Variants in ACTR1A observed in about 807,000 individuals in gnomAD.
ACTR1A encodes the protein alpha-centractin.
Under a neutral mutation model 50.7 loss-of-function variants are expected in ACTR1A, and 10 were observed. The ratio of observed to expected loss-of-function variants is 0.20; its 90% CI spans 0.12 to 0.33. ACTR1A has a LOEUF of 0.33. Ranked by LOEUF, ACTR1A falls within the 10% of genes least tolerant of loss-of-function variation. The pLI, the probability that ACTR1A is intolerant of heterozygous loss-of-function variation, is 1.00. For missense variants in ACTR1A, 253 were observed against 491.7 expected (o/e 0.51, Z 4.59); for synonymous variants, 177 against 184.2 (o/e 0.96, Z 0.32).
At chr10:102,490,398 A>G (rs940123352) in intron 2 of ACTR1A, 151 bp downstream of exon 2, 4 of 455,032 alleles carry the variant, frequency 8.8e-6, no homozygotes, top group Non-Finnish European at 1.5e-5. Flanking sequence ...GGATTTTTAA[A>G]AAGAGGCCTC....
At chr10:102,489,541 C>T (rs561983945) in intron 2 of ACTR1A, among the ~76,000 whole-genome samples, 2 of 152,286 alleles carry the variant, frequency 1.3e-5, no homozygotes, top group African/African-American at 2.4e-5. Context: ...GGGCTGGGCT[C>T]GATGGCTCAC....
At chr10:102,487,693 G>A (rs1014922576) in intron 4 of ACTR1A, among the ~76,000 whole-genome samples, 3 of 146,742 alleles carry the variant, frequency 2.0e-5, no homozygotes, top group Non-Finnish European at 4.5e-5. Context: ...GCACAGTGGC[G>A]CAATCTCGGC....
At chr10:102,486,937 CCACTGT>C (rs1161422630) in intron 4 of ACTR1A, among the ~76,000 whole-genome samples, 5 of 147,720 alleles carry the variant, frequency 3.4e-5, no homozygotes. Context: ...CAGGCACGCA[CCACTGT>C]ACCCGGCTAT....
intron 1 of ACTR1A, among the ~76,000 whole-genome samples, chr10:102,491,617 C>T (rs1209424690): frequency 6.6e-6 from 1 of 152,298 alleles, no homozygotes; most frequent in East Asian, 1.9e-4. Context: ...CTTGGTATGT[C>T]GAGTGAGGTG....
At position 102,482,841 on chromosome 10, in the gene ACTR1A, G is replaced by A; in HGVS notation, c.750+170C>T. On this transcript the variant is annotated intron_variant, in intron 7 of 10. Transcript: ENST00000369905. This position sits in a 1 kb window ranked among gnomAD's most constrained non-coding sequence, Gnocchi z 5.6. ...TAAGAAAGTTTACGACTTTGTGTTG[G>A]GCCTTACTGAAAGCCATCCTGGGCC... 1.6e-6 allele frequency: 1 copy of A among 637,890 alleles called. No homozygotes were observed. Among genetic ancestry groups the A allele is most frequent in the Non-Finnish European group, 2.8e-6 (1 of 357,256 alleles). The allele number at this position is 637,890 out of a possible 1,614,324, so 39.5% of individuals were successfully genotyped here. A position where few individuals can be genotyped will look rare whatever the true frequency, so the allele number is the denominator to read the frequency against.
chr10:102,483,185 T>C lies in ACTR1A; in HGVS notation c.658-82A>G. The C allele has an allele frequency of 6.7e-6, 7 of 1,038,896 alleles. 1 individual carries two copies. The highest frequency in any genetic ancestry group is 1.7e-5 in the Admixed American group (1 of 59,062). 64.4% of individuals were successfully genotyped at this position (1,038,896 alleles called of 1,614,324 possible). ...AAGGCCCAGGGGAGGAATGTGCTGC[T>C]GCACAAACCTGTCTAAACGTTGTGA... On this transcript the variant is annotated intron_variant, in intron 6 of 10. Coordinates refer to ENST00000369905, the MANE Select transcript of ACTR1A (RefSeq NM_005736.4).
chr10:102,481,235 T>G, intron 9 of ACTR1A, 63 bp from the exon 10 acceptor site: 1 of 1,491,430 alleles, frequency 6.7e-7, no homozygotes, highest in South Asian at 1.3e-5. Flanking sequence ...TTCCCTACAA[T>G]GCTCCTCTTT....
chr10:102,499,380 C>T (rs1326345430), intron 1 of ACTR1A, among the ~76,000 whole-genome samples: 1 of 152,158 alleles, frequency 6.6e-6, no homozygotes, highest in Non-Finnish European at 1.5e-5. Context: ...TCAGCAAATA[C>T]TAATAGGAAA....
At chr10:102,494,866 G>A (rs6584507) in intron 1 of ACTR1A, among the ~76,000 whole-genome samples, 53,480 of 151,848 alleles carry the variant, frequency 0.35, 9,578 homozygotes, top group African/African-American at 0.39. Flanking sequence ...CCTAGAGTGC[G>A]GTGGCACAAT....
chr10:102,490,373 G>A (rs909944660), intron 2 of ACTR1A, among the ~76,000 whole-genome samples, 176 bp downstream of exon 2: 1 of 151,350 alleles, frequency 6.6e-6, no homozygotes, highest in African/African-American at 2.4e-5. Flanking sequence ...AAATTTTTTA[G>A]CATCAGATAA....
intron 1 of ACTR1A, among the ~76,000 whole-genome samples, chr10:102,497,280 A>T (rs76798518): frequency 0.043 from 6,590 of 152,012 alleles, 455 homozygotes; most frequent in African/African-American, 0.15. Context: ...GAACGTATGG[A>T]TGTTCCTTAC....
intron 6 of ACTR1A, 102 bp downstream of exon 6, chr10:102,484,058 C>T: frequency 1.8e-6 from 2 of 1,141,912 alleles, no homozygotes; most frequent in East Asian, 2.4e-5. Flanking sequence ...CCAGGGACCC[C>T]CAGGCAGGTG....
intron 5 of ACTR1A, 33 bp downstream of exon 5, chr10:102,485,576 C>T: frequency 6.2e-7 from 1 of 1,611,274 alleles, no homozygotes; most frequent in Non-Finnish European, 8.5e-7. Flanking sequence ...ACTGCTTTCC[C>T]CGCAGGGGCC....
At chr10:102,494,705 C>T (rs574603236) in intron 1 of ACTR1A, among the ~76,000 whole-genome samples, 8 of 152,294 alleles carry the variant, frequency 5.3e-5, no homozygotes, top group South Asian at 4.1e-4. Flanking sequence ...CCTGTCACCC[C>T]ATCACTTTGG....
At chr10:102,490,497 C>T in intron 2 of ACTR1A, 52 bp downstream of exon 2, 1 of 1,478,750 alleles carries the variant, frequency 6.8e-7, no homozygotes, top group Non-Finnish European at 9.5e-7. Context: ...AGGGCTGGGC[C>T]TGTAACAAAG....
At chr10:102,481,745 A>T in intron 9 of ACTR1A, 92 bp downstream of exon 9, 1 of 1,464,810 alleles carries the variant, frequency 6.8e-7, no homozygotes, top group Non-Finnish European at 9.5e-7. Context: ...CTGCTTGAAG[A>T]GCTTGGGCAA....
intron 4 of ACTR1A, among the ~76,000 whole-genome samples, chr10:102,487,122 T>C (rs2062172928): frequency 6.6e-6 from 1 of 151,912 alleles, no homozygotes; most frequent in South Asian, 2.1e-4. Context: ...TCCTTACAAG[T>C]TAATAAGCAC....
chr10:102,485,709 G>T lies in ACTR1A; in HGVS notation c.340C>A (p.Pro114Thr). ...TCCCGGTTTTTTCGTGGGTTTAAAG[G>T]CGCCTCAGTCAGGAGCACAGGATGC... ...EEHPVLLTEA[P>T]LNPRKNRERA... The change falls in exon 5 of 11, where the codon CCT (proline) becomes ACT (threonine). Residue 114 changes from proline to threonine, a missense_variant. Physicochemically the swap from Pro to Thr is conservative, Grantham distance 38. Coordinates refer to ENST00000369905, the MANE Select transcript of ACTR1A (RefSeq NM_005736.4). 1 of 1,614,108 alleles carries T rather than the reference G, an allele frequency of 6.2e-7. No homozygotes were observed. The highest frequency in any genetic ancestry group is 1.1e-5 in the South Asian group (1 of 91,078).
At chr10:102,500,329 G>A (rs932564332) in intron 1 of ACTR1A, among the ~76,000 whole-genome samples, 1 of 152,144 alleles carries the variant, frequency 6.6e-6, no homozygotes, top group Non-Finnish European at 1.5e-5. Flanking sequence ...CAGCACTTTG[G>A]GAGGCCGAGG....
Sources: gnomAD v4.1 joint callset for allele counts (sites outside exome capture counted in the v4.1 genomes callset) on GRCh38, gnomAD v4.1.1 for gene constraint, Gnocchi (gnomAD v3.1) non-coding constraint, MANE v1.5 for transcripts, NCBI Gene and HGNC (gene_info 2026-07-23, HGNC 2026-07-21) for gene names.